Variants in CSMD3 observed in about 807,000 individuals in gnomAD.
CSMD3 encodes CUB and Sushi multiple domains 3.
In CSMD3, 177 loss-of-function variants were observed where a neutral mutation model predicts 435.2. The ratio of observed to expected loss-of-function variants is 0.41; its 90% confidence interval spans 0.36 to 0.46. The LOEUF is 0.46. Among genes scored for constraint, CSMD3 ranks in the 20% least tolerant of loss-of-function variants. CSMD3 has a pLI of 0.34. For synonymous variants in CSMD3, 1,656 were observed against 1,520.5 expected (o/e 1.09, Z -2.07); for missense variants, 4,265 against 4,504.6 (o/e 0.95, Z 1.52).
intron 12 of CSMD3, 94 bp downstream of exon 12, chr8:112,829,592 G>A (rs2079802097): frequency 9.4e-6 from 7 of 746,732 alleles, no homozygotes; most frequent in Non-Finnish European, 1.7e-5. Flanking sequence ...TCTGCTGGTA[G>A]TAGTGGGAGC....
At chr8:112,980,310 T>C (rs1333690344) in intron 6 of CSMD3, among the ~76,000 whole-genome samples, 1 of 151,142 alleles carries the variant, frequency 6.6e-6, no homozygotes, top group Admixed American at 6.6e-5. Context: ...AATAACTACA[T>C]ATTCAAAGAA....
intron 11 of CSMD3, among the ~76,000 whole-genome samples, chr8:112,837,382 C>G (rs1376952073): frequency 6.6e-6 from 1 of 151,572 alleles, no homozygotes; most frequent in African/African-American, 2.4e-5. Context: ...CAATACCAAG[C>G]TATACTCATT....
chr8:112,535,720 C>T lies in CSMD3; in HGVS notation c.4564+14951G>A, dbSNP rs570672715. 3.6e-4 allele frequency among the ~76,000 whole-genome samples: 55 copies of T among 152,270 alleles called. No homozygotes were observed. In the Middle Eastern group the frequency reaches 0.014, roughly 38 times the overall value. On this transcript the variant is annotated intron_variant, in intron 27 of 70. Transcript: ENST00000297405. ...AAAGAGCCCGCATCGCCAAGTCGAT[C>T]CTAAGCCAAAAGAACAAAGCTGGAG...
At chr8:113,006,561 C>A (rs1419464296) in intron 6 of CSMD3, among the ~76,000 whole-genome samples, 2 of 151,866 alleles carry the variant, frequency 1.3e-5, no homozygotes, top group Non-Finnish European at 2.9e-5. Flanking sequence ...AAATTCTAAG[C>A]AAACTCATAC....
intron 1 of CSMD3, among the ~76,000 whole-genome samples, chr8:113,393,500 G>T (rs1245778648): frequency 6.6e-6 from 1 of 152,050 alleles, no homozygotes; most frequent in African/African-American, 2.4e-5. Context: ...TAAGGTACCT[G>T]CCATTTCCAC....
intron 6 of CSMD3, among the ~76,000 whole-genome samples, chr8:112,990,867 T>A (rs1172664022): frequency 6.6e-6 from 1 of 151,888 alleles, no homozygotes; most frequent in Non-Finnish European, 1.5e-5. Context: ...ACTACATTTC[T>A]CTCTTCCCTT....
intron 4 of CSMD3, among the ~76,000 whole-genome samples, chr8:113,128,413 T>C (rs185885275): frequency 9.9e-5 from 15 of 151,986 alleles, no homozygotes; most frequent in Non-Finnish European, 1.9e-4. Context: ...GACCATCTCA[T>C]TGTATACCAG....
At chr8:112,988,310 C>A (rs902066019) in intron 6 of CSMD3, among the ~76,000 whole-genome samples, 9 of 152,046 alleles carry the variant, frequency 5.9e-5, no homozygotes, top group African/African-American at 2.2e-4. Flanking sequence ...TCTTGCCTAT[C>A]CACATCTGTG....
At chr8:112,721,356 C>A (rs1368190504) in intron 13 of CSMD3, among the ~76,000 whole-genome samples, 3 of 152,138 alleles carry the variant, frequency 2.0e-5, no homozygotes, top group Admixed American at 1.3e-4. Flanking sequence ...AGGTGGATCA[C>A]CTGAGGTCAG....
intron 32 of CSMD3, among the ~76,000 whole-genome samples, chr8:112,426,359 T>C (rs769062461): frequency 6.6e-6 from 1 of 152,114 alleles, no homozygotes; most frequent in Non-Finnish European, 1.5e-5. Flanking sequence ...CAACTAAATA[T>C]AAACATAGTC....
At chr8:113,359,552 T>C (rs184053009) in intron 1 of CSMD3, among the ~76,000 whole-genome samples, 17 of 152,236 alleles carry the variant, frequency 1.1e-4, no homozygotes, top group South Asian at 6.2e-4. Context: ...TCATGCAAGA[T>C]TGGCAATCTA....
chr8:113,233,363 A>T (rs1469015195), intron 3 of CSMD3, among the ~76,000 whole-genome samples: 3 of 151,288 alleles, frequency 2.0e-5, no homozygotes, highest in Non-Finnish European at 4.4e-5. Context: ...ACTGTATAAT[A>T]AAAAAGTGTA....
At chr8:112,719,242 T>C (rs970418053) in intron 13 of CSMD3, among the ~76,000 whole-genome samples, 2 of 152,152 alleles carry the variant, frequency 1.3e-5, no homozygotes, top group Non-Finnish European at 2.9e-5. Context: ...ATTAGAAGAC[T>C]AAGTAAAAGT....
chr8:112,823,325 C>T (rs369339127), intron 12 of CSMD3, among the ~76,000 whole-genome samples: 29 of 152,168 alleles, frequency 1.9e-4, no homozygotes, highest in African/African-American at 7.0e-4. Context: ...TGTTATTGGT[C>T]TATTCAGGGA....
chr8:113,366,660 A>G (rs551870396), intron 1 of CSMD3, among the ~76,000 whole-genome samples: 5 of 152,214 alleles, frequency 3.3e-5, no homozygotes, highest in African/African-American at 1.2e-4. Flanking sequence ...ATGTCTTGAG[A>G]AAACTAGAAG....
chr8:112,568,656 A>G (rs1293499499), intron 24 of CSMD3, among the ~76,000 whole-genome samples: 1 of 152,128 alleles, frequency 6.6e-6, no homozygotes, highest in South Asian at 2.1e-4. Flanking sequence ...CATACTAGGT[A>G]TGCATATAAT....
chr8:112,632,541 A>G (rs2074544773), intron 22 of CSMD3, among the ~76,000 whole-genome samples: 1 of 152,046 alleles, frequency 6.6e-6, no homozygotes, highest in African/African-American at 2.4e-5. Flanking sequence ...ATCATTACTA[A>G]TATTTAACTT....
chr8:113,357,954 T>G (rs2094243724), intron 1 of CSMD3, among the ~76,000 whole-genome samples: 1 of 152,186 alleles, frequency 6.6e-6, no homozygotes, highest in South Asian at 2.1e-4. Flanking sequence ...AAACCTCTTT[T>G]CTTTATAAAT....
chr8:112,993,261 G>A (rs1247438026), intron 6 of CSMD3, among the ~76,000 whole-genome samples: 3 of 151,834 alleles, frequency 2.0e-5, no homozygotes, highest in African/African-American at 2.4e-5. Flanking sequence ...AGCAGGGAAA[G>A]GCCAGTGTAA....
Sources: gnomAD v4.1 joint callset for allele counts (sites outside exome capture counted in the v4.1 genomes callset) on GRCh38, gnomAD v4.1.1 for gene constraint, MANE v1.5 for transcripts, NCBI Gene and HGNC (gene_info 2026-07-23, HGNC 2026-07-21) for gene names.